Variants in SUMF1 observed in about 807,000 individuals in gnomAD.
SUMF1 encodes the protein sulfatase modifying factor 1, also known as formylglycine-generating enzyme.
SUMF1 carries 48 observed loss-of-function variants against 47.6 expected under a neutral mutation model. That is an observed-to-expected ratio of 1.01 (90% CI 0.80 to 1.28). The LOEUF is 1.28. SUMF1 is among the 50% of genes most tolerant of loss of function. The pLI is 0.00. For synonymous variants in SUMF1, 230 were observed against 192.1 expected (o/e 1.20, Z -1.63); for missense variants, 571 against 485.4 (o/e 1.18, Z -1.66).
chr3:4,168,743 G>C (rs1014037780), intron 8 of SUMF1, among the ~76,000 whole-genome samples: 5 of 152,112 alleles, frequency 3.3e-5, no homozygotes, highest in Admixed American at 6.5e-5. Context: ...TCTGTAAAGA[G>C]GAGACATTAT....
intron 8 of SUMF1, among the ~76,000 whole-genome samples, chr3:4,181,566 C>T (rs899834729): frequency 6.6e-6 from 1 of 152,158 alleles, no homozygotes; most frequent in Non-Finnish European, 1.5e-5. Context: ...CACAACTTCT[C>T]TGTATCTCAG....
intron 8 of SUMF1, among the ~76,000 whole-genome samples, chr3:4,233,494 A>T (rs1052921681): frequency 6.6e-6 from 1 of 152,130 alleles, no homozygotes; most frequent in African/African-American, 2.4e-5. Flanking sequence ...AGCAATTACT[A>T]AGCTATAAAA....
rs1255231579 is a variant in SUMF1 at position 4,362,075 on chromosome 3, G to A, written c.*69C>T. Reference sequence around the variant, plus strand: ...AATTCTTTGCATGGGATCGTTCAAAGTTCTGAGAAAAGCCCAATGTAGGTC... The same window carrying A: ...AATTCTTTGCATGGGATCGTTCAAAATTCTGAGAAAAGCCCAATGTAGGTC... On this transcript the variant is annotated 3_prime_UTR_variant, in exon 9 of 9. Transcript: ENST00000272902. The A allele has an allele frequency of 1.3e-5, 19 of 1,465,810 alleles. 1 individual carries two copies. The South Asian group carries it at 1.5e-4, about 11-fold the overall frequency. 90.8% of individuals were successfully genotyped at this position (1,465,810 alleles called of 1,614,324 possible).
At chr3:4,197,848 G>C (rs1695461710) in intron 8 of SUMF1, among the ~76,000 whole-genome samples, 1 of 152,082 alleles carries the variant, frequency 6.6e-6, no homozygotes, top group South Asian at 2.1e-4. Context: ...CACTATCGCT[G>C]CTTCAACTCC....
intron 7 of SUMF1, among the ~76,000 whole-genome samples, chr3:4,401,452 T>G (rs1701209438): frequency 6.6e-6 from 1 of 152,144 alleles, no homozygotes. Flanking sequence ...AAACACCCTC[T>G]TAACCATGTT....
chr3:4,148,776 C>T (rs1035556439), intron 8 of SUMF1, among the ~76,000 whole-genome samples: 1 of 152,104 alleles, frequency 6.6e-6, no homozygotes, highest in African/African-American at 2.4e-5. Flanking sequence ...GGCCTAAAAA[C>T]ATTAGCAACT....
chr3:4,368,215 A>T (rs1156936489), intron 8 of SUMF1, among the ~76,000 whole-genome samples: 1 of 152,262 alleles, frequency 6.6e-6, no homozygotes, highest in Non-Finnish European at 1.5e-5. Context: ...ACATTTGTGC[A>T]GCCAAAAGAC....
intron 7 of SUMF1, among the ~76,000 whole-genome samples, chr3:4,395,970 C>T (rs571476063): frequency 6.6e-6 from 1 of 152,296 alleles, no homozygotes; most frequent in South Asian, 2.1e-4. Flanking sequence ...ATTTTTGATA[C>T]AGATTCTCTT....
intron 8 of SUMF1, among the ~76,000 whole-genome samples, chr3:4,259,970 A>G (rs1697050025): frequency 6.6e-6 from 1 of 152,090 alleles, no homozygotes; most frequent in Non-Finnish European, 1.5e-5. Context: ...CGTGAGTTAG[A>G]AAGTCCTCTC....
chr3:4,325,640 T>C (rs1332695577), intron 8 of SUMF1, among the ~76,000 whole-genome samples: 2 of 151,966 alleles, frequency 1.3e-5, no homozygotes, highest in South Asian at 2.1e-4. Context: ...CATATATGCA[T>C]AGGTTGCTGT....
chr3:4,357,368 G>T (rs1699643143), downstream of SUMF1, among the ~76,000 whole-genome samples: 3 of 150,032 alleles, frequency 2.0e-5, no homozygotes, highest in African/African-American at 7.4e-5. Context: ...CAAAAATTCT[G>T]TTTGCAGCTT....
chr3:4,322,312 T>A (rs1264715008), intron 8 of SUMF1, among the ~76,000 whole-genome samples: 4 of 152,010 alleles, frequency 2.6e-5, no homozygotes, highest in East Asian at 3.9e-4. Flanking sequence ...ATGTATAATA[T>A]CATAGGTATG....
chr3:4,184,639 C>A (rs1695162899), intron 8 of SUMF1, among the ~76,000 whole-genome samples: 1 of 139,602 alleles, frequency 7.2e-6, no homozygotes, highest in South Asian at 2.2e-4. Flanking sequence ...TTACAGAAAA[C>A]AATTTCCCTG....
At chr3:4,317,489 C>G in intron 8 of SUMF1, 1 of 392,300 alleles carries the variant, frequency 2.5e-6, no homozygotes. Flanking sequence ...TCAGGACCAG[C>G]CTGGGCAACA....
chr3:4,449,416 A>G (rs750415541), intron 2 of SUMF1, 76 bp from the exon 3 acceptor site: 2 of 1,381,948 alleles, frequency 1.4e-6, no homozygotes, highest in Non-Finnish European at 2.1e-6. Flanking sequence ...TTCTCTCCAC[A>G]CTATTAAAGT....
intron 8 of SUMF1, among the ~76,000 whole-genome samples, chr3:4,207,901 C>T (rs1586266): frequency 1 from 152,210 of 152,212 alleles, 76,104 homozygotes; most frequent in Middle Eastern, 1. Flanking sequence ...GGAGACTCAG[C>T]GTGAACACGT....
At chr3:4,449,427 G>T in intron 2 of SUMF1, 87 bp from the exon 3 acceptor site, 1 of 1,293,164 alleles carries the variant, frequency 7.7e-7, no homozygotes, top group Non-Finnish European at 1.1e-6. Context: ...CTATTAAAGT[G>T]ATTCCTCTTG....
chr3:4,209,547 A>T (rs1029257730), intron 8 of SUMF1, among the ~76,000 whole-genome samples: 2 of 152,074 alleles, frequency 1.3e-5, no homozygotes, highest in Non-Finnish European at 2.9e-5. Context: ...TCTAAGAAAA[A>T]TGTTTATAAT....
chr3:4,449,291 T>C lies in SUMF1; in HGVS notation c.494A>G (p.Gln165Arg), dbSNP rs1702887927. The part of the protein sequence containing the change: ...SFVFEGMLSE[Q>R]VKTNIQQAVA... ...TGCCTGTTGAATATTGGTCTTCACT[T>C]GCTCACTCAACATGCCTTCAAAGAC... is the stretch of plus-strand genomic sequence containing the variant. The change falls in exon 3 of 9, where the codon CAA (glutamine) becomes CGA (arginine). Residue 165 changes from glutamine (Q) to arginine (R), a missense_variant. Transcript: ENST00000272902. 1.9e-6 allele frequency: 3 copies of C among 1,614,054 alleles called. No homozygotes were observed. The South Asian group carries it at 3.3e-5, about 18-fold the overall frequency.
Sources: allele counts gnomAD v4.1 joint callset (sites outside exome capture counted in the v4.1 genomes callset), GRCh38; gene constraint gnomAD v4.1.1; transcripts MANE v1.5; gene names NCBI Gene and HGNC (gene_info 2026-07-23, HGNC 2026-07-21).